RANBP2: variants seen among roughly 807,000 people sequenced by gnomAD.
RANBP2 encodes the protein RAN binding protein 2, also known as E3 SUMO-protein ligase RanBP2.
RANBP2 carries 57 observed loss-of-function variants against 303.6 expected under a neutral mutation model. The observed-to-expected ratio is 0.19, with a 90% CI of 0.15 to 0.23. RANBP2 has a LOEUF of 0.23. Ranked by LOEUF, RANBP2 falls within the 10% of genes least tolerant of loss-of-function variation. RANBP2 has a pLI of 1.00. For missense variants in RANBP2, 3,138 were observed against 3,780.8 expected, an observed-to-expected ratio of 0.83 and a Z score of 4.46; for synonymous variants, 1,167 against 1,301.5, an observed-to-expected ratio of 0.90 and a Z score of 2.23.
At chr2:108,921,012 T>C in the RANBP2 span, among the ~76,000 whole-genome samples, 1 of 152,134 alleles carries the variant, frequency 6.6e-6, no homozygotes, top group African/African-American at 2.4e-5. Flanking sequence ...AAAATGTACA[T>C]TCTCTGGCTC....
the RANBP2 span, among the ~76,000 whole-genome samples, chr2:109,180,952 ATAT>A: frequency 1.3e-5 from 2 of 152,190 alleles, no homozygotes; most frequent in Admixed American, 6.5e-5. Context: ...TCTCCATGCA[ATAT>A]GTTTACCCTG....
the RANBP2 span, chr2:109,544,193 G>A: frequency 6.2e-7 from 1 of 1,602,010 alleles, no homozygotes; most frequent in South Asian, 1.1e-5. Flanking sequence ...AACTGTGGCT[G>A]TTCACCAAAT....
At chr2:109,344,944 C>T in the RANBP2 span, among the ~76,000 whole-genome samples, 82 of 152,256 alleles carry the variant, frequency 5.4e-4, no homozygotes, top group Admixed American at 6.5e-4. Flanking sequence ...ATTTGAGAGC[C>T]ACTGGCACAG....
chr2:109,352,630 G>T, the RANBP2 span, among the ~76,000 whole-genome samples: 1 of 152,192 alleles, frequency 6.6e-6, no homozygotes, highest in Non-Finnish European at 1.5e-5. Context: ...TGGGCACCCC[G>T]CTTGGGCTAC....
the RANBP2 span, among the ~76,000 whole-genome samples, chr2:109,033,721 G>A: frequency 6.6e-6 from 1 of 152,052 alleles, no homozygotes; most frequent in African/African-American, 2.4e-5. Flanking sequence ...GGGAGGCTGA[G>A]GCGGGTGGAT....
the RANBP2 span, chr2:109,543,928 T>C: frequency 7.5e-6 from 4 of 535,456 alleles, no homozygotes; most frequent in Non-Finnish European, 6.6e-6. Context: ...ATCCACCTTA[T>C]ACATATAGCC....
chr2:109,614,998 C>CG, the RANBP2 span: 1 of 1,543,404 alleles, frequency 6.5e-7, no homozygotes, highest in South Asian at 1.2e-5. Context: ...ACTCCAGCCC[C>CG]GGGGCCCAGC....
the RANBP2 span, among the ~76,000 whole-genome samples, chr2:109,529,386 G>A: frequency 5.9e-5 from 9 of 152,310 alleles, no homozygotes; most frequent in Admixed American, 6.5e-5. Context: ...TGGAAGCTGC[G>A]GGAACAGATG....
the RANBP2 span, among the ~76,000 whole-genome samples, chr2:109,429,808 C>T: frequency 1.3e-5 from 2 of 152,346 alleles, no homozygotes; most frequent in East Asian, 1.9e-4. Flanking sequence ...GCACGTTGCA[C>T]AGGGCCACCC....
the RANBP2 span, among the ~76,000 whole-genome samples, chr2:109,378,808 T>C: frequency 6.6e-6 from 1 of 152,228 alleles, no homozygotes; most frequent in African/African-American, 2.4e-5. Flanking sequence ...CCTGGCTTTA[T>C]GTGACCTCAG....
At chr2:109,725,965 G>A in the RANBP2 span, among the ~76,000 whole-genome samples, 4 of 151,814 alleles carry the variant, frequency 2.6e-5, no homozygotes, top group South Asian at 2.1e-4. Flanking sequence ...ACTCCTGACC[G>A]CAGGTGATCC....
chr2:109,485,954 G>C, the RANBP2 span, among the ~76,000 whole-genome samples: 3 of 152,256 alleles, frequency 2.0e-5, no homozygotes, highest in African/African-American at 7.2e-5. Flanking sequence ...TGTCTGGGAA[G>C]GTGGGGGCTC....
the RANBP2 span, among the ~76,000 whole-genome samples, chr2:109,064,833 T>G: frequency 6.6e-6 from 1 of 152,194 alleles, no homozygotes; most frequent in African/African-American, 2.4e-5. Flanking sequence ...GATCCAGTCC[T>G]GTTTGACACT....
At chr2:109,255,625 C>T in the RANBP2 span, among the ~76,000 whole-genome samples, 1 of 152,200 alleles carries the variant, frequency 6.6e-6, no homozygotes, top group African/African-American at 2.4e-5. Flanking sequence ...AATTTGAACA[C>T]CTTTTGAGAA....
chr2:108,971,404 G>A, the RANBP2 span, among the ~76,000 whole-genome samples: 1 of 151,918 alleles, frequency 6.6e-6, no homozygotes, highest in Non-Finnish European at 1.5e-5. Context: ...ACCCCCAGGT[G>A]ATTTGCGTGC....
chr2:109,198,662 A>G, the RANBP2 span, among the ~76,000 whole-genome samples: 3 of 152,190 alleles, frequency 2.0e-5, no homozygotes, highest in Non-Finnish European at 4.4e-5. Flanking sequence ...TGCTCCTCAC[A>G]TGGTGGAGAC....
At chr2:109,574,685 TAA>T in the RANBP2 span, 2 of 1,610,258 alleles carry the variant, frequency 1.2e-6, no homozygotes, top group Non-Finnish European at 1.7e-6. Context: ...TCATGGTAGG[TAA>T]AGAGAGAACG....
the RANBP2 span, among the ~76,000 whole-genome samples, chr2:108,827,426 A>G: frequency 6.6e-6 from 1 of 152,248 alleles, no homozygotes; most frequent in Non-Finnish European, 1.5e-5. Context: ...AATGATATGA[A>G]AACTTAATTG....
At chr2:109,432,378 A>G in the RANBP2 span, 1 of 1,263,918 alleles carries the variant, frequency 7.9e-7, no homozygotes, top group Non-Finnish European at 1.1e-6. Flanking sequence ...CAGAGCCCCC[A>G]TAGACTCTAG....
Sources: gnomAD v4.1 joint callset for allele counts (sites outside exome capture counted in the v4.1 genomes callset) on GRCh38, gnomAD v4.1.1 for gene constraint, MANE v1.5 for transcripts, NCBI Gene and HGNC (gene_info 2026-07-23, HGNC 2026-07-21) for gene names.